The following GBP7 variants were observed in gnomAD, a reference collection of about 807,000 sequenced individuals.
The protein encoded by GBP7 is guanylate-binding protein 7.
Under a neutral mutation model 61.3 loss-of-function variants are expected in GBP7, and 43 were observed. The observed-to-expected ratio is 0.70, with a 90% confidence interval of 0.55 to 0.91. GBP7 has a LOEUF of 0.91. GBP7 is among the 40% of genes least tolerant of loss of function. The probability of loss-of-function intolerance (pLI) is 0.00; values close to 1 mark genes in which losing one functional copy is unlikely to be tolerated. For synonymous variants in GBP7, 267 were observed against 271.0 expected, an observed-to-expected ratio of 0.99 and a Z score of 0.14; for missense variants, 717 against 740.5, an observed-to-expected ratio of 0.97 and a Z score of 0.37.
rs1190026536 is a variant in GBP7 at position 89,152,887 on chromosome 1, A to G, written c.319-110T>C. 4.1e-6 allele frequency: 3 copies of G among 734,254 alleles called. No individual in the cohort carries two copies. In the African/African-American group the frequency reaches 5.3e-5, roughly 13 times the overall value. 45.5% of individuals were successfully genotyped at this position (734,254 alleles called of 1,614,324 possible). A position where few individuals can be genotyped will look rare whatever the true frequency, so the allele number is the denominator to read the frequency against. On this transcript the variant is annotated intron_variant, in intron 3 of 10. Transcript: ENST00000294671. ...AACTGAAGTCATTCCAGTTTTCCCAAAATGCTGTGTCTAAAGGAAACACAA... is the reference window on the plus strand; with the variant it reads ...AACTGAAGTCATTCCAGTTTTCCCAGAATGCTGTGTCTAAAGGAAACACAA...
intron 9 of GBP7, among the ~76,000 whole-genome samples, chr1:89,139,353 C>A (rs2100637974): frequency 6.6e-6 from 1 of 152,290 alleles, no homozygotes; most frequent in East Asian, 1.9e-4. Context: ...TAGAAGAAAA[C>A]CTAGGCAATA....
chr1:89,166,079 T>A (rs1284129383), intron 2 of GBP7, among the ~76,000 whole-genome samples: 1 of 152,200 alleles, frequency 6.6e-6, no homozygotes, highest in Non-Finnish European at 1.5e-5. Context: ...GTTTTTATTA[T>A]TTCTAAATTA....
intron 2 of GBP7, among the ~76,000 whole-genome samples, chr1:89,165,495 C>T (rs1371606226): frequency 3.7e-5 from 4 of 108,772 alleles, no homozygotes; most frequent in Admixed American, 1.9e-4. Flanking sequence ...AGTGAGACTC[C>T]GTCTCAAAAA....
intron 7 of GBP7, 102 bp downstream of exon 7, chr1:89,149,190 C>A: frequency 9.9e-7 from 1 of 1,009,878 alleles, no homozygotes; most frequent in Non-Finnish European, 1.4e-6. Context: ...TCCAATCTCC[C>A]TTTACTACAA....
At chr1:89,171,699 G>T in intron 2 of GBP7, 47 bp downstream of exon 2, 1 of 1,546,054 alleles carries the variant, frequency 6.5e-7, no homozygotes, top group Non-Finnish European at 8.9e-7. Context: ...TACTGACTGT[G>T]TAACTGGACA....
chr1:89,155,550 C>T (rs1436563129), intron 3 of GBP7, among the ~76,000 whole-genome samples: 7 of 152,088 alleles, frequency 4.6e-5, no homozygotes, highest in Non-Finnish European at 8.8e-5. Context: ...ACGAGAACTA[C>T]GTGATGCATG....
At chr1:89,161,632 G>A (rs925677898) in intron 3 of GBP7, among the ~76,000 whole-genome samples, 2 of 150,596 alleles carry the variant, frequency 1.3e-5, no homozygotes, top group Non-Finnish European at 3.0e-5. Flanking sequence ...TTTTTTGTGT[G>A]TGTGAATTTG....
chr1:89,151,344 T>C (rs1252745105), intron 5 of GBP7, among the ~76,000 whole-genome samples: 1 of 152,210 alleles, frequency 6.6e-6, no homozygotes, highest in Non-Finnish European at 1.5e-5. Context: ...CATAGCATCA[T>C]GGACTTTCTC....
In GBP7 at chr1:89,171,880, C is replaced by T. The variant is rs1647611201; in HGVS notation, c.56G>A (p.Gly19Glu). 2 of 1,613,636 alleles carry T rather than the reference C, an allele frequency of 1.2e-6. No individual in the cohort carries two copies. The highest frequency in any genetic ancestry group is 4.5e-5 in the East Asian group (2 of 44,874). Residue 19 changes from glycine (G) to glutamate (E), a missense_variant, in exon 2 of 11, where the codon GGG (glycine) becomes GAG (glutamate). Coordinates refer to ENST00000294671, the MANE Select transcript of GBP7 (RefSeq NM_207398.3). The stretch of plus-strand genomic sequence containing the variant: ...AGCTTCTGAATTCACCACCAGATGC[C>T]CTTTAGTGTTCTCAGTGAGGCACAC... ...GPVCLTENTK[G>E]HLVVNSEALE...
intron 9 of GBP7, among the ~76,000 whole-genome samples, chr1:89,139,415 C>T (rs1056229602): frequency 6.4e-4 from 98 of 152,328 alleles, no homozygotes; most frequent in African/African-American, 2.3e-3. Flanking sequence ...ACACCAAAAG[C>T]AATGGCAACA....
At chr1:89,144,211 T>G (rs1311858123) in intron 8 of GBP7, among the ~76,000 whole-genome samples, 1 of 152,244 alleles carries the variant, frequency 6.6e-6, no homozygotes, top group African/African-American at 2.4e-5. Context: ...CATGATTTCA[T>G]TCTTTTTATG....
chr1:89,139,550 A>G (rs1244612139), intron 9 of GBP7, among the ~76,000 whole-genome samples: 3 of 152,236 alleles, frequency 2.0e-5, no homozygotes, highest in Non-Finnish European at 2.9e-5. Flanking sequence ...TACTCATCTG[A>G]CAAAGGGCTA....
At chr1:89,159,473 G>T (rs948713999) in intron 3 of GBP7, among the ~76,000 whole-genome samples, 2 of 152,122 alleles carry the variant, frequency 1.3e-5, no homozygotes, top group Non-Finnish European at 2.9e-5. Flanking sequence ...CTGACAAAGG[G>T]CTAATGTCCA....
intron 1 of GBP7, among the ~76,000 whole-genome samples, chr1:89,175,690 A>G (rs1256634685): frequency 3.3e-5 from 5 of 152,202 alleles, no homozygotes; most frequent in Non-Finnish European, 5.9e-5. Flanking sequence ...AGAAATAACA[A>G]TCTTAGAACA....
chr1:89,174,699 C>G (rs1355476828), intron 1 of GBP7, among the ~76,000 whole-genome samples: 1 of 152,204 alleles, frequency 6.6e-6, no homozygotes, highest in East Asian at 1.9e-4. Context: ...CACTGTGCAT[C>G]AGCATTCACA....
intron 2 of GBP7, among the ~76,000 whole-genome samples, chr1:89,170,879 G>A (rs1647578609): frequency 6.6e-6 from 1 of 152,132 alleles, no homozygotes; most frequent in Admixed American, 6.5e-5. Context: ...TGCCATCAGG[G>A]TCCCTGCAGT....
chr1:89,150,482 A>G lies in GBP7; in HGVS notation c.719T>C (p.Ile240Thr). 1 of 1,614,020 alleles carries G rather than the reference A, an allele frequency of 6.2e-7. No individual in the cohort carries two copies. The highest frequency in any genetic ancestry group is 8.5e-7 in the Non-Finnish European group (1 of 1,179,936). ...KQKCFVFDRP[I>T]NDKKLLLHVE... ...ATGGAGTAAGAGTTTTTTGTCATTT[A>G]TTGGCCGGTCAAAGACAAAGCACTT... The change falls in exon 6 of 11, where the codon ATA becomes ACA. Residue 240 changes from isoleucine to threonine, a missense_variant. By Grantham distance (89) the Ile-to-Thr change is moderately conservative. Transcript: ENST00000294671.
intron 8 of GBP7, 136 bp from the exon 9 acceptor site, chr1:89,141,784 T>C: frequency 8.8e-6 from 6 of 680,608 alleles, no homozygotes; most frequent in Non-Finnish European, 1.5e-5. Context: ...CAGTGGTTTC[T>C]TTCCTTCCAC....
At chr1:89,133,044 G>A (rs187771587) in intron 10 of GBP7, among the ~76,000 whole-genome samples, 38 of 152,326 alleles carry the variant, frequency 2.5e-4, no homozygotes, top group African/African-American at 8.9e-4. Context: ...CCTGGGGGAT[G>A]TCATGTGTAC....
Sources: allele counts gnomAD v4.1 joint callset (sites outside exome capture counted in the v4.1 genomes callset), GRCh38; gene constraint gnomAD v4.1.1; transcripts MANE v1.5; gene names NCBI Gene and HGNC (gene_info 2026-07-23, HGNC 2026-07-21).